Variants in BPIFB2 observed in about 807,000 individuals in gnomAD.
BPIFB2 encodes BPI fold-containing family B member 2.
A neutral mutation model predicts 50.1 loss-of-function variants in BPIFB2; 39 were observed. The ratio of observed to expected loss-of-function variants is 0.78; its 90% CI spans 0.60 to 1.02. The LOEUF is 1.02. BPIFB2 is among the 50% of genes least tolerant of loss of function. BPIFB2 has a pLI of 0.00. For synonymous variants in BPIFB2, 280 were observed against 256.3 expected, an observed-to-expected ratio of 1.09 and a Z score of -0.88; for missense variants, 574 against 585.8, an observed-to-expected ratio of 0.98 and a Z score of 0.21.
intron 7 of BPIFB2, among the ~76,000 whole-genome samples, chr20:33,017,606 T>C (rs1289227441): frequency 6.6e-6 from 1 of 152,158 alleles, no homozygotes; most frequent in Admixed American, 6.5e-5. Context: ...GGAGGGTCTG[T>C]TAGGGAAGCT....
chr20:33,014,028 C>A, intron 5 of BPIFB2, 72 bp downstream of exon 5: 1 of 1,534,344 alleles, frequency 6.5e-7, no homozygotes, highest in Non-Finnish European at 8.8e-7. Context: ...CCTGAGCTGC[C>A]CACTCAGGAC....
intron 6 of BPIFB2, 103 bp downstream of exon 6, chr20:33,015,599 T>TTTA: frequency 1.3e-6 from 1 of 766,798 alleles, no homozygotes; most frequent in Non-Finnish European, 1.9e-6. Context: ...TGCTTGGGAT[T>TTTA]AAAAAAAAAA....
intron 9 of BPIFB2, 35 bp from the exon 10 acceptor site, chr20:33,019,027 C>T: frequency 2.5e-6 from 4 of 1,614,000 alleles, no homozygotes; most frequent in Non-Finnish European, 3.4e-6. Context: ...AGCAGCTGTC[C>T]TAAAACCTGT....
At chr20:33,013,730 G>A in intron 4 of BPIFB2, 80 bp from the exon 5 acceptor site, 1 of 1,528,538 alleles carries the variant, frequency 6.5e-7, no homozygotes. Flanking sequence ...CAGGGGCTGG[G>A]GAATTTGTAA....
chr20:33,013,481 C>A (rs997987699), intron 4 of BPIFB2, among the ~76,000 whole-genome samples: 1 of 152,152 alleles, frequency 6.6e-6, no homozygotes, highest in African/African-American at 2.4e-5. Flanking sequence ...CACAGCCCTG[C>A]GAAATAGGTC....
chr20:33,019,568 C>G lies in BPIFB2; in HGVS notation c.910-12C>G. ...TGCCTCAGCAGGGCCTCCTCCGCCTCTGCCTCCCCAGGTGGCCCGCCAGTT... is the reference window on the plus strand; with the variant it reads ...TGCCTCAGCAGGGCCTCCTCCGCCTGTGCCTCCCCAGGTGGCCCGCCAGTT... On this transcript the variant is annotated splice_polypyrimidine_tract_variant and intron_variant, in intron 10 of 15. Transcript: ENST00000170150. 6.3e-7 allele frequency: 1 copy of G among 1,575,562 alleles called. No homozygotes were observed. Among genetic ancestry groups the G allele is most frequent in the Non-Finnish European group, 8.6e-7 (1 of 1,157,694 alleles).
chr20:33,012,734 G>A, intron 3 of BPIFB2, 69 bp from the exon 4 acceptor site: 1 of 1,257,016 alleles, frequency 8.0e-7, no homozygotes, highest in South Asian at 1.2e-5. Context: ...ATGGCTCAGA[G>A]CACCCACCCC....
At chr20:33,018,375 AG>A in intron 8 of BPIFB2, 25 bp downstream of exon 8, 1 of 1,579,452 alleles carries the variant, frequency 6.3e-7, no homozygotes, top group Non-Finnish European at 8.7e-7. Context: ...GCCAGCCCAG[AG>A]CTGGGGGCTT....
At chr20:33,017,864 A>G (rs1159583078) in intron 7 of BPIFB2, among the ~76,000 whole-genome samples, 1 of 152,240 alleles carries the variant, frequency 6.6e-6, no homozygotes, top group Non-Finnish European at 1.5e-5. Context: ...AGATGCTGTA[A>G]GTCAAGCATC....
At chr20:33,014,927 T>C (rs1568977404) in intron 5 of BPIFB2, among the ~76,000 whole-genome samples, 1 of 152,202 alleles carries the variant, frequency 6.6e-6, no homozygotes, top group Non-Finnish European at 1.5e-5. Context: ...AAGGTTGGGC[T>C]GTGGCTTGGA....
In BPIFB2 at chr20:33,023,540, G is replaced by C. The variant is rs1213350187; in HGVS notation, c.*157G>C. ...TGTTTTATCTTCCCTGAGTGCCTGG[G>C]TCTCCCTCCCTCACTTCTGCCCTTT... On this transcript the variant is annotated 3_prime_UTR_variant, in exon 16 of 16. Transcript: ENST00000170150. The C allele has an allele frequency of 6.3e-6, 5 of 796,074 alleles. No homozygotes were observed. Among genetic ancestry groups the C allele is most frequent in the Non-Finnish European group, 1.0e-5 (5 of 479,554 alleles). The allele number at this position is 796,074 out of a possible 1,614,324, so 49.3% of individuals were successfully genotyped here. A position where few individuals can be genotyped will look rare whatever the true frequency, so the allele number is the denominator to read the frequency against.
intron 1 of BPIFB2, 29 bp from the exon 2 acceptor site, chr20:33,008,512 G>A (rs1406244430): frequency 4.2e-6 from 6 of 1,416,158 alleles, no homozygotes; most frequent in Non-Finnish European, 4.8e-6. Context: ...TGTTTTGGCT[G>A]AGCTCCCTGA....
chr20:33,022,622 A>T (rs1978716919), intron 15 of BPIFB2, among the ~76,000 whole-genome samples: 1 of 152,212 alleles, frequency 6.6e-6, no homozygotes, highest in South Asian at 2.1e-4. Context: ...TTCTGCAAGG[A>T]TGGAAATTTA....
At position 33,023,598 on chromosome 20, in the gene BPIFB2, T is replaced by C; in HGVS notation, c.*215T>C. 1 of 628,040 alleles carries C rather than the reference T, an allele frequency of 1.6e-6. No individual in the cohort carries two copies. Among genetic ancestry groups the C allele is most frequent in the Non-Finnish European group, 2.9e-6 (1 of 349,882 alleles). 38.9% of individuals were successfully genotyped at this position (628,040 alleles called of 1,614,324 possible). Reference sequence around the variant, plus strand: ...TCCTCCTCTTCTCCTCCCTCTTCCCTCATCTCCCCCCTCCTTCCTCTGCCC... The same window carrying C: ...TCCTCCTCTTCTCCTCCCTCTTCCCCCATCTCCCCCCTCCTTCCTCTGCCC... On this transcript the variant is annotated 3_prime_UTR_variant, in exon 16 of 16. Transcript: ENST00000170150.
intron 15 of BPIFB2, among the ~76,000 whole-genome samples, 155 bp from the exon 16 acceptor site, chr20:33,023,187 G>A (rs968826775): frequency 5.3e-5 from 8 of 152,166 alleles, no homozygotes; most frequent in African/African-American, 1.7e-4. Context: ...CCCCCAAAGT[G>A]ACAGACTGGT....
At chr20:33,016,366 C>T (rs1316696220) in intron 6 of BPIFB2, among the ~76,000 whole-genome samples, 1 of 152,122 alleles carries the variant, frequency 6.6e-6, no homozygotes, top group East Asian at 1.9e-4. Flanking sequence ...CCTGTAGTCC[C>T]CCTGCTGCCC....
chr20:33,019,607 C>A lies in BPIFB2; in HGVS notation c.937C>A (p.Pro313Thr). ...GGCCCGCCAGTTTCCCGAGCCCATG[C>A]CTGTGGTGCTCAAGGTGCGGCTGGG... ...EVARQFPEPM[P>T]VVLKVRLGAT... Residue 313 changes from proline to threonine, a missense_variant, in exon 11 of 16, where the codon CCT (proline) becomes ACT (threonine). Physicochemically the swap from Pro to Thr is conservative, Grantham distance 38. Coordinates refer to ENST00000170150, the MANE Select transcript of BPIFB2 (RefSeq NM_025227.3). 1.2e-6 allele frequency: 2 copies of A among 1,605,938 alleles called. No homozygotes were observed. Among genetic ancestry groups the A allele is most frequent in the Non-Finnish European group, 8.5e-7 (1 of 1,175,024 alleles).
At chr20:33,018,898 G>A (rs976520301) in intron 9 of BPIFB2, 76 bp downstream of exon 9, 210 of 1,572,682 alleles carry the variant, frequency 1.3e-4, no homozygotes, top group South Asian at 2.2e-4. Context: ...ACCTCCCAGA[G>A]GCCAAATCAT....
rs779425132 is a variant in BPIFB2 at position 33,019,739 on chromosome 20, T to G, written c.1069T>G (p.Ser357Ala). 3 of 1,606,536 alleles carry G rather than the reference T, an allele frequency of 1.9e-6. No individual in the cohort carries two copies. The highest frequency in any genetic ancestry group is 2.2e-5 in the South Asian group (2 of 89,614). ...CAACTCGGCTTTCCAGTCCCTCTTC[T>G]CCCTGGATGTGGTGAGTGCGGTGGG... ...ASNSAFQSLF[S>A]LDVVVNLRLQ... The change falls in exon 11 of 16, where the codon TCC (serine) becomes GCC (alanine). Residue 357 changes from serine to alanine, a missense_variant. Coordinates refer to ENST00000170150, the MANE Select transcript of BPIFB2 (RefSeq NM_025227.3).
Sources: allele counts gnomAD v4.1 joint callset (sites outside exome capture counted in the v4.1 genomes callset), GRCh38; gene constraint gnomAD v4.1.1; transcripts MANE v1.5; gene names NCBI Gene and HGNC (gene_info 2026-07-23, HGNC 2026-07-21).